The following ADGRL3 variants were observed in gnomAD, a reference collection of about 807,000 sequenced individuals.
ADGRL3 encodes calcium-independent alpha-latrotoxin receptor 3.
A neutral mutation model predicts 153.5 loss-of-function variants in ADGRL3; 62 were observed. The observed-to-expected ratio is 0.40, with a 90% CI of 0.33 to 0.50. The LOEUF (loss-of-function observed/expected upper bound fraction) is 0.50. ADGRL3 is among the 20% of genes least tolerant of loss of function. The probability of loss-of-function intolerance (pLI) is 0.47; values close to 1 mark genes in which losing one functional copy is unlikely to be tolerated. For missense variants in ADGRL3, 1,641 were observed against 1,859.4 expected, an observed-to-expected ratio of 0.88 and a Z score of 2.16; for synonymous variants, 710 against 672.5, an observed-to-expected ratio of 1.06 and a Z score of -0.86.
At chr4:61,445,361 C>T (rs1036846799) in intron 2 of ADGRL3, among the ~76,000 whole-genome samples, 1 of 152,110 alleles carries the variant, frequency 6.6e-6, no homozygotes, top group Non-Finnish European at 1.5e-5. Flanking sequence ...ACTGAACATT[C>T]CATTTATGAT....
In ADGRL3 at chr4:62,076,001, A is replaced by G. The variant is rs1747013591; in HGVS notation, c.*5093A>G. 1 of 152,142 alleles carries G rather than the reference A, an allele frequency of 6.6e-6. No individual in the cohort carries two copies. The highest frequency in any genetic ancestry group is 1.5e-5 in the Non-Finnish European group (1 of 68,006). The allele number at this position is 152,142 out of a possible 1,614,324, so 9.4% of individuals were successfully genotyped here. A position where few individuals can be genotyped will look rare whatever the true frequency, so the allele number is the denominator to read the frequency against. On this transcript the variant is annotated 3_prime_UTR_variant, in exon 27 of 27. Coordinates refer to ENST00000683033, the MANE Select transcript of ADGRL3 (RefSeq NM_001387552.1). Reference sequence around the variant, plus strand: ...TACACTCTCTTTGGTTTAAAAGGGAAACTTTCACCTGTACACATACACACT... The same window carrying G: ...TACACTCTCTTTGGTTTAAAAGGGAGACTTTCACCTGTACACATACACACT...
At chr4:61,214,936 T>C (rs992566750) in intron 1 of ADGRL3, among the ~76,000 whole-genome samples, 12 of 151,822 alleles carry the variant, frequency 7.9e-5, no homozygotes, top group African/African-American at 2.9e-4. Flanking sequence ...AGACCTTGAC[T>C]ATTAAAAAAA....
In ADGRL3 at chr4:61,733,472, C is replaced by A; in HGVS notation, c.1317C>A (p.Pro439=). Residue 439 remains proline (P), a synonymous_variant, in exon 8 of 27, where the codon CCC becomes CCA. Transcript: ENST00000683033. ...YQYIAAVDYN[P]RDNLLYVWNN... The stretch of plus-strand genomic sequence containing the variant: ...ACATTGCAGCTGTGGATTACAACCC[C>A]AGGGACAACCTACTTTATGTATGGA... The A allele has an allele frequency of 6.2e-7, 1 of 1,613,678 alleles. No individual in the cohort carries two copies. Among genetic ancestry groups the A allele is most frequent in the South Asian group, 1.1e-5 (1 of 91,056 alleles).
intron 4 of ADGRL3, among the ~76,000 whole-genome samples, chr4:61,524,169 T>G (rs986127889): frequency 3.3e-5 from 5 of 152,062 alleles, no homozygotes; most frequent in African/African-American, 9.7e-5. Context: ...ATAATAAAGA[T>G]CTGAAGTGTA....
intron 15 of ADGRL3, among the ~76,000 whole-genome samples, chr4:61,939,552 C>A (rs543122474): frequency 2.0e-5 from 3 of 151,914 alleles, no homozygotes; most frequent in Non-Finnish European, 4.4e-5. Context: ...TCACTGCAAC[C>A]TCCACCTCCC....
At chr4:61,807,463 G>A (rs920784621) in intron 8 of ADGRL3, among the ~76,000 whole-genome samples, 4 of 151,568 alleles carry the variant, frequency 2.6e-5, no homozygotes, top group African/African-American at 7.3e-5. Flanking sequence ...TATTTTTCAC[G>A]GTTATGAAAG....
intron 6 of ADGRL3, among the ~76,000 whole-genome samples, chr4:61,682,113 A>G (rs2095349088): frequency 6.6e-6 from 1 of 152,094 alleles, no homozygotes. Flanking sequence ...TATACATTAT[A>G]TAAATTTCAG....
At chr4:61,350,374 A>G (rs1284474907) in intron 1 of ADGRL3, among the ~76,000 whole-genome samples, 1 of 145,222 alleles carries the variant, frequency 6.9e-6, no homozygotes. Flanking sequence ...TATCTGGGGA[A>G]ATGTACATCT....
chr4:61,869,936 TAAAAAAA>T (rs1190618911), intron 9 of ADGRL3, among the ~76,000 whole-genome samples: 35 of 10,506 alleles, frequency 3.3e-3, no homozygotes, highest in Admixed American at 8.3e-3. Flanking sequence ...AAAACTTTGT[TAAAAAAA>T]AAAAAAAAAA....
chr4:61,456,399 ATATC>A (rs1443274934), intron 2 of ADGRL3, among the ~76,000 whole-genome samples: 30 of 89,298 alleles, frequency 3.4e-4, no homozygotes, highest in African/African-American at 8.8e-4. Flanking sequence ...AGATATATCT[ATATC>A]TATATATATA....
intron 9 of ADGRL3, among the ~76,000 whole-genome samples, chr4:61,856,950 C>CTCTTTCTT (rs55713412): frequency 0.044 from 2,481 of 56,908 alleles, 92 homozygotes; most frequent in East Asian, 0.088. Flanking sequence ...CTTTCTTCTT[C>CTCTTTCTT]TCTTTCTTTC....
chr4:61,488,955 A>G (rs1464053134), intron 2 of ADGRL3, among the ~76,000 whole-genome samples: 1 of 151,926 alleles, frequency 6.6e-6, no homozygotes, highest in Admixed American at 6.6e-5. Flanking sequence ...ACCACTCACA[A>G]TCTTTTATCG....
intron 1 of ADGRL3, among the ~76,000 whole-genome samples, chr4:61,241,931 T>A (rs1330172360): frequency 1.3e-5 from 2 of 152,102 alleles, no homozygotes; most frequent in Non-Finnish European, 2.9e-5. Context: ...TTAACTCTTT[T>A]CTTTGCATTA....
chr4:61,221,081 G>T (rs1024537820), intron 1 of ADGRL3, among the ~76,000 whole-genome samples: 1 of 152,134 alleles, frequency 6.6e-6, no homozygotes, highest in Non-Finnish European at 1.5e-5. Flanking sequence ...TGTCACTATT[G>T]CAAAGAATTA....
chr4:61,507,866 G>C (rs2098440365), intron 3 of ADGRL3, among the ~76,000 whole-genome samples: 1 of 152,086 alleles, frequency 6.6e-6, no homozygotes, highest in South Asian at 2.1e-4. Context: ...AGTTACAATT[G>C]GCAGTATGAT....
chr4:61,278,458 G>C (rs190352240), intron 1 of ADGRL3, among the ~76,000 whole-genome samples: 1 of 152,054 alleles, frequency 6.6e-6, no homozygotes, highest in Non-Finnish European at 1.5e-5. Context: ...CATGACATCA[G>C]ATTCCAAAAT....
intron 1 of ADGRL3, among the ~76,000 whole-genome samples, chr4:61,304,895 A>G (rs1408461963): frequency 6.6e-6 from 1 of 152,220 alleles, no homozygotes; most frequent in African/African-American, 2.4e-5. Flanking sequence ...AGTGATTCTG[A>G]TAGTCCTAGA....
chr4:61,363,487 G>A (rs895860127), intron 1 of ADGRL3, among the ~76,000 whole-genome samples: 6 of 151,974 alleles, frequency 3.9e-5, no homozygotes, highest in South Asian at 4.1e-4. Flanking sequence ...CCTAATATAC[G>A]CATGATGCTT....
intron 19 of ADGRL3, among the ~76,000 whole-genome samples, chr4:61,987,578 C>A (rs1327227866): frequency 1.3e-5 from 2 of 152,074 alleles, no homozygotes; most frequent in Non-Finnish European, 2.9e-5. Flanking sequence ...TGCAGTGTTA[C>A]CTCCCTATGT....
Sources: allele counts gnomAD v4.1 joint callset (sites outside exome capture counted in the v4.1 genomes callset), GRCh38; gene constraint gnomAD v4.1.1; transcripts MANE v1.5; gene names NCBI Gene and HGNC (gene_info 2026-07-23, HGNC 2026-07-21).